Variants in PHC1 observed in about 807,000 individuals in gnomAD.
The protein encoded by PHC1 is polyhomeotic-like protein 1.
Under a neutral mutation model 104.3 loss-of-function variants are expected in PHC1, and 12 were observed. The ratio of observed to expected loss-of-function variants is 0.12; its 90% CI spans 0.07 to 0.19. The LOEUF is 0.19. PHC1 is among the 10% of genes least tolerant of loss of function. The probability of loss-of-function intolerance (pLI) is 1.00; values close to 1 mark genes in which losing one functional copy is unlikely to be tolerated. For synonymous variants in PHC1, 302 were observed against 455.8 expected, an observed-to-expected ratio of 0.66 and a Z score of 4.30; for missense variants, 671 against 1,200.0, an observed-to-expected ratio of 0.56 and a Z score of 6.51.
intron 11 of PHC1, 47 bp from the exon 12 acceptor site, chr12:8,936,809 G>A: frequency 8.6e-7 from 1 of 1,168,392 alleles, no homozygotes; most frequent in South Asian, 1.3e-5. Flanking sequence ...TTGCCTGAGG[G>A]GCAGCAGAAA....
chr12:8,916,216 A>T (rs1565510042), intron 1 of PHC1: 1 of 143,622 alleles, frequency 7.0e-6, no homozygotes, highest in African/African-American at 2.5e-5. Flanking sequence ...GAAACTAAAG[A>T]CTGGGGGGGG....
chr12:8,917,616 C>A lies in PHC1; in HGVS notation c.-48-14C>A. 1.4e-6 allele frequency: 1 copy of A among 698,154 alleles called. No homozygotes were observed. The highest frequency in any genetic ancestry group is 2.3e-6 in the Non-Finnish European group (1 of 437,044). The allele number at this position is 698,154 out of a possible 1,614,324, so 43.2% of individuals were successfully genotyped here. On this transcript the variant is annotated splice_polypyrimidine_tract_variant and intron_variant, in intron 1 of 14. Transcript: ENST00000544916. ...TCAAGATATAAATTTTAACCTTTTACTGCTTCCCTCTAGGTCTTGAGTCAG... is the reference window on the plus strand; with the variant it reads ...TCAAGATATAAATTTTAACCTTTTAATGCTTCCCTCTAGGTCTTGAGTCAG...
intron 6 of PHC1, among the ~76,000 whole-genome samples, chr12:8,928,404 A>G (rs1271339658): frequency 6.8e-6 from 1 of 147,110 alleles, no homozygotes; most frequent in Admixed American, 6.9e-5. Context: ...ACACTCTCTC[A>G]CTGTTGGTCT....
intron 6 of PHC1, among the ~76,000 whole-genome samples, chr12:8,923,485 C>A (rs1945422131): frequency 1.3e-5 from 2 of 152,152 alleles, no homozygotes; most frequent in Non-Finnish European, 2.9e-5. Flanking sequence ...CCTGTAGGTT[C>A]TGCATCTCTG....
At chr12:8,930,192 A>G (rs1945642195) in intron 6 of PHC1, among the ~76,000 whole-genome samples, 1 of 152,214 alleles carries the variant, frequency 6.6e-6, no homozygotes. Context: ...AGATATTTTG[A>G]AGGAATAAAA....
intron 2 of PHC1, among the ~76,000 whole-genome samples, chr12:8,918,944 C>T (rs79329234): frequency 0.038 from 5,774 of 152,254 alleles, 359 homozygotes; most frequent in African/African-American, 0.13. Flanking sequence ...TAGGCTGTTA[C>T]TCTGACCACT....
At chr12:8,934,125 A>G in intron 9 of PHC1, 113 bp downstream of exon 9, 1 of 1,369,956 alleles carries the variant, frequency 7.3e-7, no homozygotes, top group South Asian at 1.3e-5. Flanking sequence ...TTGGTGGACA[A>G]ATGAATAGAT....
At chr12:8,934,527 A>T in intron 10 of PHC1, 49 bp downstream of exon 10, 1 of 1,391,176 alleles carries the variant, frequency 7.2e-7, no homozygotes, top group Non-Finnish European at 1.0e-6. Flanking sequence ...ACTTGGTCTG[A>T]TTGTTGTCTT....
chr12:8,932,825 TCAGCAGGTCCCACCTTCC>T lies in PHC1; in HGVS notation c.1372_1389del (p.Gln458_Gln463del). 7.2e-7 allele frequency: 1 copy of T among 1,398,452 alleles called. No individual in the cohort carries two copies. The highest frequency in any genetic ancestry group is 2.3e-5 in the East Asian group (1 of 43,740). The allele number at this position is 1,398,452 out of a possible 1,614,324, so 86.6% of individuals were successfully genotyped here. A position where few individuals can be genotyped will look rare whatever the true frequency, so the allele number is the denominator to read the frequency against. On this transcript the variant is annotated inframe_deletion, in exon 8 of 15. Transcript: ENST00000544916. ...CTCAGCCACCACAGGTCCCACCTAC[TCAGCAGGTCCCACCTTCC>T]CAGTCCCAGCAGCAAGCCCAAACCC... is the stretch of plus-strand genomic sequence containing the variant.
At chr12:8,934,598 G>T (rs904125349) in intron 10 of PHC1, 120 bp downstream of exon 10, 1 of 642,538 alleles carries the variant, frequency 1.6e-6, no homozygotes. Context: ...GTTCAATTAC[G>T]CTATTTATTT....
In PHC1 at chr12:8,933,909, G is replaced by A; in HGVS notation, c.1938G>A (p.Glu646=). Residue 646 remains glutamate, a synonymous_variant, in exon 9 of 15, where the codon GAG becomes GAA. Coordinates refer to ENST00000544916, the MANE Select transcript of PHC1 (RefSeq NM_004426.3). ...CTGTCAAACGCAAGGCTGACTCTGA[G>A]GAGGAGAGAGATGATGTCTCCACAT... The part of the protein sequence containing the change: ...TLAVKRKADS[E]EERDDVSTLG... The A allele has an allele frequency of 6.2e-7, 1 of 1,612,912 alleles. No homozygotes were observed. The highest frequency in any genetic ancestry group is 8.5e-7 in the Non-Finnish European group (1 of 1,178,840).
At chr12:8,933,606 T>G in intron 8 of PHC1, 1 of 612,682 alleles carries the variant, frequency 1.6e-6, no homozygotes, top group East Asian at 2.8e-5. Flanking sequence ...AATCAGTCTT[T>G]GAAAAAACAA....
intron 5 of PHC1, 71 bp from the exon 6 acceptor site, chr12:8,922,562 T>C: frequency 7.3e-7 from 1 of 1,363,634 alleles, no homozygotes; most frequent in South Asian, 1.3e-5. Flanking sequence ...CTTGTGGTCC[T>C]TCCTTTCCAT....
At chr12:8,929,701 G>A (rs905399664) in intron 6 of PHC1, among the ~76,000 whole-genome samples, 2 of 151,802 alleles carry the variant, frequency 1.3e-5, no homozygotes, top group African/African-American at 4.8e-5. Context: ...CTAATTTTCT[G>A]TATTTTTTTG....
chr12:8,915,947 A>G (rs1945188715), intron 1 of PHC1: 1 of 154,378 alleles, frequency 6.5e-6, no homozygotes, highest in Non-Finnish European at 1.5e-5. Context: ...CTCTATACCT[A>G]GCAAAGGGGT....
intron 6 of PHC1, 67 bp from the exon 7 acceptor site, chr12:8,930,368 C>G: frequency 6.4e-7 from 1 of 1,555,780 alleles, no homozygotes; most frequent in Non-Finnish European, 8.7e-7. Context: ...GTCCTGGCTG[C>G]TTTTGAATCT....
At chr12:8,922,811 G>A in intron 6 of PHC1, 23 bp downstream of exon 6, 2 of 1,609,134 alleles carry the variant, frequency 1.2e-6, no homozygotes, top group South Asian at 1.1e-5. Context: ...GACTTTACCT[G>A]TGGGTGGGCA....
intron 5 of PHC1, 64 bp downstream of exon 5, chr12:8,921,814 G>A: frequency 6.9e-7 from 1 of 1,456,694 alleles, no homozygotes. Context: ...GCAAAGACTT[G>A]AGTGAAAGCT....
Position 8,933,367 on chromosome 12 carries a change from G to A in PHC1, c.1893+17G>A, listed in dbSNP as rs1286861062. 2 of 1,541,820 alleles carry A rather than the reference G, an allele frequency of 1.3e-6. No individual in the cohort carries two copies. The highest frequency in any genetic ancestry group is 1.2e-5 in the South Asian group (1 of 82,216). ...CACTTGCCGGTGAGTGATGTCTGAT[G>A]GTTTTGAGGGCACTATTATGCATGA... On this transcript the variant is annotated intron_variant, in intron 8 of 14. Transcript: ENST00000544916.
Sources: allele counts gnomAD v4.1 joint callset (sites outside exome capture counted in the v4.1 genomes callset), GRCh38; gene constraint gnomAD v4.1.1; transcripts MANE v1.5; gene names NCBI Gene and HGNC (gene_info 2026-07-23, HGNC 2026-07-21).